Variants in PRR5L observed in about 807,000 individuals in gnomAD.
The protein encoded by PRR5L is proline-rich protein 5-like.
Under a neutral mutation model 36.4 loss-of-function variants are expected in PRR5L, and 21 were observed. The observed-to-expected ratio is 0.58, with a 90% CI of 0.41 to 0.83. The LOEUF (loss-of-function observed/expected upper bound fraction) is 0.83, where lower values mean the gene tolerates loss of function less well. Among genes scored for constraint, PRR5L ranks in the 40% least tolerant of loss-of-function variants. PRR5L has a pLI of 0.00. For synonymous variants in PRR5L, 188 were observed against 197.0 expected (o/e 0.95, Z 0.38); for missense variants, 381 against 473.3 (o/e 0.80, Z 1.81).
chr11:36,404,932 C>T (rs920290129), intron 3 of PRR5L, among the ~76,000 whole-genome samples: 2 of 152,168 alleles, frequency 1.3e-5, no homozygotes, highest in Admixed American at 6.5e-5. Flanking sequence ...ACACACGTTG[C>T]GAAGTTTCAT....
chr11:36,451,179 C>A, intron 7 of PRR5L, 30 bp from the exon 8 acceptor site: 2 of 1,612,684 alleles, frequency 1.2e-6, no homozygotes, highest in Non-Finnish European at 1.7e-6. Context: ...GAACACTGAC[C>A]TTTGTGTATC....
intron 1 of PRR5L, among the ~76,000 whole-genome samples, chr11:36,309,327 G>A (rs1279555674): frequency 6.6e-6 from 1 of 152,230 alleles, no homozygotes; most frequent in African/African-American, 2.4e-5. Context: ...TAATGTAGAA[G>A]AAAGAGCACT....
chr11:36,419,838 A>G (rs557353824), intron 4 of PRR5L, among the ~76,000 whole-genome samples: 1 of 152,316 alleles, frequency 6.6e-6, no homozygotes, highest in East Asian at 1.9e-4. Context: ...AATGTAAGGG[A>G]AAAAAACAAA....
At position 36,297,785 on chromosome 11, in the gene PRR5L, A is replaced by C. The variant is rs183491985; in HGVS notation, c.-126+1347A>C. 3.9e-3 allele frequency among the ~76,000 whole-genome samples: 593 copies of C among 152,230 alleles called. 6 individuals are homozygous for C. The highest frequency in any genetic ancestry group is 0.012 in the Admixed American group (179 of 15,288). On this transcript the variant is annotated intron_variant, in intron 1 of 8. Coordinates refer to ENST00000530639, the MANE Select transcript of PRR5L (RefSeq NM_001160167.2). Reference sequence around the variant, plus strand: ...CAGTGGAGACTTTTCTCCCTCCTCCAGTGGGGCCTGCAGCTTGGAAAGGGG... The same window carrying C: ...CAGTGGAGACTTTTCTCCCTCCTCCCGTGGGGCCTGCAGCTTGGAAAGGGG...
intron 3 of PRR5L, among the ~76,000 whole-genome samples, chr11:36,414,357 A>G (rs1364413694): frequency 6.7e-6 from 1 of 148,830 alleles, no homozygotes; most frequent in Non-Finnish European, 1.5e-5. Context: ...CTATTTCTCC[A>G]CATCCTCTCC....
intron 1 of PRR5L, among the ~76,000 whole-genome samples, chr11:36,326,817 T>G (rs1378437511): frequency 6.6e-6 from 1 of 152,148 alleles, no homozygotes; most frequent in Non-Finnish European, 1.5e-5. Context: ...AAACCAGTCT[T>G]AAGAACCCAA....
chr11:36,401,221 G>A lies in PRR5L; in HGVS notation c.100G>A (p.Asp34Asn), dbSNP rs769605091. The A allele has an allele frequency of 5.6e-6, 9 of 1,613,724 alleles. No homozygotes were observed. The African/African-American group carries it at 6.7e-5, about 12-fold the overall frequency. ...PRFMSSPVLS[D>N]LPRFQAARQA... ...CTTCATGAGCTCCCCCGTGCTCAGC[G>A]ACCTTCCCCGATTCCAAGCAGCTCG... Residue 34 changes from aspartate (D) to asparagine (N), a missense_variant, in exon 2 of 9, where the codon GAC (aspartate) becomes AAC (asparagine). Coordinates refer to ENST00000530639, the MANE Select transcript of PRR5L (RefSeq NM_001160167.2).
At chr11:36,443,585 A>G (rs1175329668) in intron 6 of PRR5L, among the ~76,000 whole-genome samples, 1 of 152,218 alleles carries the variant, frequency 6.6e-6, no homozygotes, top group African/African-American at 2.4e-5. Flanking sequence ...AGAGTAAGTG[A>G]GATAATACTT....
chr11:36,362,389 G>A (rs933550532), intron 1 of PRR5L, among the ~76,000 whole-genome samples: 1 of 149,914 alleles, frequency 6.7e-6, no homozygotes, highest in African/African-American at 2.5e-5. Flanking sequence ...GAATGCTAAG[G>A]TGCTGGGCTA....
rs774109936 is a variant in PRR5L, at chr11:36,462,670, C to A, written c.1041C>A (p.Asp347Glu). 1.2e-6 allele frequency: 2 copies of A among 1,608,662 alleles called. No homozygotes were observed. The highest frequency in any genetic ancestry group is 1.7e-5 in the Admixed American group (1 of 59,732). Residue 347 changes from aspartate to glutamate, a missense_variant, in exon 9 of 9, where the codon GAC becomes GAA. By Grantham distance (45) the Asp-to-Glu change is conservative (BLOSUM62 2). Transcript: ENST00000530639. ...AGCCCAACATCACTGACAACCCTGA[C>A]GGACTGGAGGAGGGGGCCAGGGGCA... ...SSEPNITDNP[D>E]GLEEGARGSQ...
In PRR5L at chr11:36,462,598, G is replaced by C; in HGVS notation, c.969G>C (p.Leu323=). Reference sequence around the variant, plus strand: ...AGGCCAGCAGTGAGAACAAGTGCCTGCTCCTGCCACCCAGCTTCCCCCCGC... The same window carrying C: ...AGGCCAGCAGTGAGAACAAGTGCCTCCTCCTGCCACCCAGCTTCCCCCCGC... ...GEEASSENKC[L]LLPPSFPPPH... The change falls in exon 9 of 9, where the codon CTG becomes CTC. Residue 323 remains leucine, a synonymous_variant. Transcript: ENST00000530639. 1 of 1,612,844 alleles carries C rather than the reference G, an allele frequency of 6.2e-7. No individual in the cohort carries two copies. Among genetic ancestry groups the C allele is most frequent in the Non-Finnish European group, 8.5e-7 (1 of 1,179,934 alleles).
chr11:36,392,407 T>C (rs771509362), intron 1 of PRR5L, among the ~76,000 whole-genome samples: 20 of 152,320 alleles, frequency 1.3e-4, no homozygotes, highest in Non-Finnish European at 1.2e-4. Flanking sequence ...TTCTCTATAG[T>C]GGTTGCACTA....
chr11:36,333,250 A>T (rs1856736836), intron 1 of PRR5L, among the ~76,000 whole-genome samples: 1 of 152,222 alleles, frequency 6.6e-6, no homozygotes. Context: ...TATTGGGAAG[A>T]TCTGGAGCAA....
chr11:36,316,957 C>G (rs1164969200), intron 1 of PRR5L, among the ~76,000 whole-genome samples: 1 of 152,082 alleles, frequency 6.6e-6, no homozygotes, highest in Non-Finnish European at 1.5e-5. Context: ...ATGTTAGGAG[C>G]AAGATGGAGT....
intron 3 of PRR5L, among the ~76,000 whole-genome samples, chr11:36,412,054 C>A (rs1858038581): frequency 6.6e-6 from 1 of 152,104 alleles, no homozygotes; most frequent in Admixed American, 6.6e-5. Flanking sequence ...AAGTAGGTAT[C>A]CTTATCCTCC....
chr11:36,344,046 G>T lies in PRR5L; in HGVS notation c.-126+47608G>T, dbSNP rs916206628. On this transcript the variant is annotated intron_variant, in intron 1 of 8. Coordinates refer to ENST00000530639, the MANE Select transcript of PRR5L (RefSeq NM_001160167.2). The surrounding 1 kb of genome is among the most constrained non-coding windows in gnomAD (Gnocchi z 4.1). ...AGCCTGGCCAACATGGAGAAATCCC[G>T]TCTCTACTAAAAATACAAAAATTAG... is the stretch of plus-strand genomic sequence containing the variant. 1.3e-5 allele frequency among the ~76,000 whole-genome samples: 2 copies of T among 151,966 alleles called. No homozygotes were observed. The highest frequency in any genetic ancestry group is 2.9e-5 in the Non-Finnish European group (2 of 67,988).
chr11:36,428,967 G>A (rs942655633), intron 4 of PRR5L, among the ~76,000 whole-genome samples: 2 of 152,136 alleles, frequency 1.3e-5, no homozygotes, highest in African/African-American at 4.8e-5. Context: ...TTTCCATGCT[G>A]TGTATTGTGA....
chr11:36,423,955 G>A (rs1015519227), intron 4 of PRR5L, among the ~76,000 whole-genome samples: 1 of 152,182 alleles, frequency 6.6e-6, no homozygotes, highest in Non-Finnish European at 1.5e-5. Context: ...TACTCGCTGT[G>A]GGGCTCGCTG....
chr11:36,365,187 G>A (rs188032682), intron 1 of PRR5L, among the ~76,000 whole-genome samples: 49 of 152,268 alleles, frequency 3.2e-4, no homozygotes, highest in Admixed American at 1.0e-3. Context: ...TTATGATAAA[G>A]CACTTAGCGG....
Sources: allele counts gnomAD v4.1 joint callset (sites outside exome capture counted in the v4.1 genomes callset), GRCh38; gene constraint gnomAD v4.1.1; non-coding constraint Gnocchi (gnomAD v3.1); transcripts MANE v1.5; gene names NCBI Gene and HGNC (gene_info 2026-07-23, HGNC 2026-07-21).